Variants in PCDHA3 observed in about 807,000 individuals in gnomAD.
PCDHA3 encodes the protein protocadherin alpha-3.
Under a neutral mutation model 62.2 loss-of-function variants are expected in PCDHA3, and 41 were observed. The ratio of observed to expected loss-of-function variants is 0.66; its 90% CI spans 0.51 to 0.86. The LOEUF (loss-of-function observed/expected upper bound fraction) is 0.86. Ranked by LOEUF, PCDHA3 falls within the 40% of genes least tolerant of loss-of-function variation. The pLI is 0.00. For synonymous variants in PCDHA3, 640 were observed against 555.4 expected (o/e 1.15, Z -2.14); for missense variants, 1,304 against 1,241.2 (o/e 1.05, Z -0.76).
chr5:140,898,147 C>G (rs2066556304), intron 1 of PCDHA3, among the ~76,000 whole-genome samples: 1 of 152,150 alleles, frequency 6.6e-6, no homozygotes, highest in Non-Finnish European at 1.5e-5. Context: ...GTTGCCTGTT[C>G]ACGCTGATGG....
intron 1 of PCDHA3, among the ~76,000 whole-genome samples, chr5:140,922,895 A>G (rs2153566398): frequency 6.6e-6 from 1 of 152,340 alleles, no homozygotes; most frequent in East Asian, 1.9e-4. Context: ...ATTCAAGAAA[A>G]AATTTTGAGA....
At chr5:140,934,508 C>G (rs2089875994) in intron 1 of PCDHA3, among the ~76,000 whole-genome samples, 1 of 152,096 alleles carries the variant, frequency 6.6e-6, no homozygotes, top group African/African-American at 2.4e-5. Flanking sequence ...CCCAAAGGGT[C>G]CATAGACCAC....
At chr5:140,947,601 A>G (rs1296948194) in intron 1 of PCDHA3, among the ~76,000 whole-genome samples, 1 of 151,680 alleles carries the variant, frequency 6.6e-6, no homozygotes, top group Non-Finnish European at 1.5e-5. Context: ...TTTAGGGAAG[A>G]TTTGGTATCT....
rs2150413547 is a variant in PCDHA3, at chr5:140,848,594, C to T, written c.2394+45003C>T. On this transcript the variant is annotated intron_variant, in intron 1 of 3. Coordinates refer to ENST00000522353, the MANE Select transcript of PCDHA3 (RefSeq NM_018906.3). The stretch of plus-strand genomic sequence containing the variant: ...TGGTGGGGAGCGGCCAGCTCCACTA[C>T]TCCGTCCCGGAGGAAGCCGAACACG... 3.8e-6 allele frequency: 6 copies of T among 1,594,526 alleles called. 1 individual carries two copies. In the African/African-American group the frequency reaches 4.0e-5, roughly 11 times the overall value.
chr5:140,810,615 T>C (rs1764697089), intron 1 of PCDHA3: 1 of 152,218 alleles, frequency 6.6e-6, no homozygotes, highest in South Asian at 2.1e-4. Flanking sequence ...TTATACCTTA[T>C]TTTGTGCAAT....
intron 1 of PCDHA3, among the ~76,000 whole-genome samples, chr5:140,908,968 C>T (rs1201886997): frequency 6.6e-6 from 1 of 152,092 alleles, no homozygotes; most frequent in African/African-American, 2.4e-5. Flanking sequence ...TCTTGATAGG[C>T]CCCACTCCAC....
chr5:140,881,376 C>T (rs1487314933), intron 1 of PCDHA3: 2 of 984,636 alleles, frequency 2.0e-6, no homozygotes, highest in South Asian at 4.7e-5. Context: ...GAATTGCAGC[C>T]GGCGGCGGTA....
intron 1 of PCDHA3, chr5:140,841,780 G>T: frequency 6.2e-7 from 1 of 1,613,894 alleles, no homozygotes; most frequent in South Asian, 1.1e-5. Flanking sequence ...CTCGGTTTCC[G>T]CTAGAGGGCG....
At chr5:140,807,593 A>T (rs1554124116) in intron 1 of PCDHA3, 5 of 1,614,166 alleles carry the variant, frequency 3.1e-6, no homozygotes, top group Admixed American at 1.7e-5. Flanking sequence ...GTTCCCAGCA[A>T]CACAAAAGAA....
chr5:140,824,248 A>G (rs2150133568), intron 1 of PCDHA3: 39 of 1,434,746 alleles, frequency 2.7e-5, no homozygotes, highest in Non-Finnish European at 3.8e-5. Flanking sequence ...TGTGGTACAC[A>G]ATTATTGCAC....
intron 1 of PCDHA3, chr5:140,822,035 C>T (rs2150113040): frequency 6.2e-7 from 1 of 1,614,202 alleles, no homozygotes; most frequent in South Asian, 1.1e-5. Context: ...TTTGTGAATT[C>T]TCGGATCGAC....
In PCDHA3 at chr5:141,012,013, G is replaced by A. The variant is rs181445737; in HGVS notation, c.*2076G>A. 25 of 153,796 alleles carry A rather than the reference G, an allele frequency of 1.6e-4. No homozygotes were observed. The highest frequency in any genetic ancestry group is 2.1e-4 in the South Asian group (1 of 4,818). 9.5% of individuals were successfully genotyped at this position (153,796 alleles called of 1,614,324 possible). A position where few individuals can be genotyped will look rare whatever the true frequency, so the allele number is the denominator to read the frequency against. ...CATTCTCCCATATTTTGAAGGGTGTGTAACTTCAGCTCTGCAGGATTGCAT... is the reference window on the plus strand; with the variant it reads ...CATTCTCCCATATTTTGAAGGGTGTATAACTTCAGCTCTGCAGGATTGCAT... On this transcript the variant is annotated 3_prime_UTR_variant, in exon 4 of 4. Transcript: ENST00000522353.
intron 1 of PCDHA3, chr5:140,864,637 A>G (rs1554159030): frequency 6.6e-6 from 1 of 152,220 alleles, no homozygotes; most frequent in East Asian, 1.9e-4. Flanking sequence ...AAACAAAACA[A>G]AACAATGTCA....
At chr5:140,809,095 C>T (rs1554124995) in intron 1 of PCDHA3, 1 of 1,613,984 alleles carries the variant, frequency 6.2e-7, no homozygotes, top group Non-Finnish European at 8.5e-7. Context: ...CAACGCGTGC[C>T]CTGGACGAAA....
chr5:140,917,324 C>CGGGGGGGGGGGG (rs1299895515), intron 1 of PCDHA3, among the ~76,000 whole-genome samples: 1 of 76,120 alleles, frequency 1.3e-5, no homozygotes, highest in African/African-American at 4.3e-5. Context: ...GTTCATGTGG[C>CGGGGGGGGGGGG]GGGGGAGGGG....
At chr5:141,006,978 T>C (rs2098297277) in intron 3 of PCDHA3, among the ~76,000 whole-genome samples, 1 of 152,090 alleles carries the variant, frequency 6.6e-6, no homozygotes, top group African/African-American at 2.4e-5. Context: ...CACAGAGAGA[T>C]GTGGGCTTAA....
chr5:140,880,836 A>G (rs1228476405), intron 1 of PCDHA3, among the ~76,000 whole-genome samples: 1 of 152,218 alleles, frequency 6.6e-6, no homozygotes, highest in Non-Finnish European at 1.5e-5. Context: ...GCATATTTTA[A>G]ATGGTTGACT....
At chr5:140,974,264 C>A (rs2096620873) in intron 1 of PCDHA3, among the ~76,000 whole-genome samples, 1 of 152,168 alleles carries the variant, frequency 6.6e-6, no homozygotes, top group African/African-American at 2.4e-5. Flanking sequence ...CCTTTCTGGC[C>A]TTCCAGGGTC....
intron 1 of PCDHA3, among the ~76,000 whole-genome samples, chr5:140,838,604 C>G (rs1335900872): frequency 6.6e-6 from 1 of 151,900 alleles, no homozygotes; most frequent in Non-Finnish European, 1.5e-5. Context: ...ATTGTCTAGA[C>G]TTTTAAAAAT....
Sources: gnomAD v4.1 joint callset for allele counts (sites outside exome capture counted in the v4.1 genomes callset) on GRCh38, gnomAD v4.1.1 for gene constraint, MANE v1.5 for transcripts, NCBI Gene and HGNC (gene_info 2026-07-23, HGNC 2026-07-21) for gene names.